SETD3: variants seen among roughly 807,000 people sequenced by gnomAD.
SETD3 encodes SET domain containing 3, actin N3(tau)-histidine methyltransferase, also known as actin-histidine N-methyltransferase.
Under a neutral mutation model 63.0 loss-of-function variants are expected in SETD3, and 19 were observed. The observed-to-expected ratio is 0.30, with a 90% CI of 0.21 to 0.44. The LOEUF (loss-of-function observed/expected upper bound fraction) is 0.44. Among genes scored for constraint, SETD3 ranks in the 20% least tolerant of loss-of-function variants. The pLI, the probability that SETD3 is intolerant of heterozygous loss-of-function variation, is 1.00. For missense variants in SETD3, 587 were observed against 728.5 expected (o/e 0.81, Z 2.24); for synonymous variants, 286 against 264.1 (o/e 1.08, Z -0.80).
upstream of SETD3, among the ~76,000 whole-genome samples, chr14:99,485,251 T>A (rs1209674299): frequency 6.6e-6 from 1 of 152,236 alleles, no homozygotes; most frequent in Non-Finnish European, 1.5e-5. Flanking sequence ...ACTTACGATT[T>A]ATCCGCTTGT....
At chr14:99,484,813 G>T (rs1423301514), upstream of SETD3, among the ~76,000 whole-genome samples, 3 of 152,222 alleles carry the variant, frequency 2.0e-5, no homozygotes, top group East Asian at 5.8e-4. Context: ...TAATTGAGTG[G>T]TGACATTTAC....
chr14:99,471,451 G>A (rs1895700804), intron 1 of SETD3, among the ~76,000 whole-genome samples: 1 of 152,202 alleles, frequency 6.6e-6, no homozygotes. Flanking sequence ...AGGGGTTAGG[G>A]TTACGCTTAT....
chr14:99,435,995 TCA>T (rs1258611236), intron 6 of SETD3, among the ~76,000 whole-genome samples: 3 of 152,016 alleles, frequency 2.0e-5, no homozygotes, highest in Admixed American at 1.3e-4. Context: ...CTCAGGAAAC[TCA>T]CAATCACAGA....
At chr14:99,451,651 C>T (rs1206477818) in intron 6 of SETD3, among the ~76,000 whole-genome samples, 5 of 152,012 alleles carry the variant, frequency 3.3e-5, no homozygotes, top group Non-Finnish European at 7.4e-5. Context: ...GAACTACAGG[C>T]GTGTGCCACC....
In SETD3 at chr14:99,459,119, C is replaced by T. The variant is rs990013459; in HGVS notation, c.412G>A (p.Val138Met). ...LMTVESAKNS[V>M]LGPLYSQDRI... ...AGTCAGAAATTATTCTCACCCAACACTGAATTTTTAGCAGATTCAACAGTC... is the reference window on the plus strand; with the variant it reads ...AGTCAGAAATTATTCTCACCCAACATTGAATTTTTAGCAGATTCAACAGTC... Residue 138 changes from valine to methionine, a missense_variant, in exon 5 of 13, where the codon GTG (valine) becomes ATG (methionine). Coordinates refer to ENST00000331768, the MANE Select transcript of SETD3 (RefSeq NM_032233.3). 4 of 1,609,258 alleles carry T rather than the reference C, an allele frequency of 2.5e-6. No individual in the cohort carries two copies. Among genetic ancestry groups the T allele is most frequent in the Middle Eastern group, 3.3e-4 (2 of 6,052 alleles).
intron 1 of SETD3, among the ~76,000 whole-genome samples, chr14:99,476,160 C>T (rs1456052635): frequency 2.0e-5 from 3 of 152,164 alleles, no homozygotes; most frequent in Admixed American, 1.3e-4. Context: ...CTGACGCTTA[C>T]GGAGACTGAT....
intron 3 of SETD3, among the ~76,000 whole-genome samples, chr14:99,463,194 TATA>T (rs1356750965): frequency 1.3e-5 from 2 of 152,250 alleles, no homozygotes; most frequent in Non-Finnish European, 2.9e-5. Flanking sequence ...GAAATAACGG[TATA>T]ATACTTTATA....
chr14:99,441,351 G>A (rs1467552277), intron 6 of SETD3, among the ~76,000 whole-genome samples: 1 of 152,218 alleles, frequency 6.6e-6, no homozygotes, highest in African/African-American at 2.4e-5. Flanking sequence ...TAGAGAACAA[G>A]GCAATCAGTT....
chr14:99,409,071 A>G (rs575115540), intron 8 of SETD3, among the ~76,000 whole-genome samples: 15 of 152,304 alleles, frequency 9.8e-5, no homozygotes, highest in South Asian at 2.1e-4. Context: ...TGGGAAGGCC[A>G]GGGCTGGTCC....
intron 6 of SETD3, among the ~76,000 whole-genome samples, chr14:99,446,459 G>C (rs1033732057): frequency 6.6e-6 from 1 of 152,122 alleles, no homozygotes; most frequent in African/African-American, 2.4e-5. Context: ...TCAGCCCACA[G>C]CGGGCATTGC....
At chr14:99,480,616 C>T (rs1896250473) in intron 1 of SETD3, 112 bp downstream of exon 1, 1 of 150,760 alleles carries the variant, frequency 6.6e-6, no homozygotes, top group Admixed American at 6.6e-5. Context: ...GCGGGCCGGA[C>T]TTCGGCCGAG....
chr14:99,467,708 G>T (rs1477461044), intron 1 of SETD3, among the ~76,000 whole-genome samples: 1 of 152,168 alleles, frequency 6.6e-6, no homozygotes, highest in Non-Finnish European at 1.5e-5. Context: ...GCCTGTAAAC[G>T]AGGCAAGAAC....
chr14:99,417,069 A>G (rs1181100389), intron 6 of SETD3, among the ~76,000 whole-genome samples: 1 of 152,256 alleles, frequency 6.6e-6, no homozygotes, highest in Non-Finnish European at 1.5e-5. Context: ...AGAATTTACC[A>G]TATTGCATGG....
intron 6 of SETD3, among the ~76,000 whole-genome samples, chr14:99,450,846 C>A (rs751436409): frequency 7.2e-5 from 11 of 152,136 alleles, no homozygotes; most frequent in Non-Finnish European, 1.6e-4. Flanking sequence ...TTCCGTTAAA[C>A]CCTGTATGCC....
chr14:99,421,901 T>C (rs540526074), intron 6 of SETD3, among the ~76,000 whole-genome samples: 40 of 152,292 alleles, frequency 2.6e-4, no homozygotes, highest in African/African-American at 9.6e-4. Flanking sequence ...TCTTATAAAG[T>C]CTAATAAAAT....
At chr14:99,433,716 T>C (rs575516375) in intron 6 of SETD3, among the ~76,000 whole-genome samples, 77 of 152,260 alleles carry the variant, frequency 5.1e-4, no homozygotes, top group Non-Finnish European at 8.8e-4. Context: ...GGATTACACG[T>C]GTGAGCTACC....
At position 99,398,959 on chromosome 14, in the gene SETD3, T is replaced by A. The variant is rs1282153809; in HGVS notation, c.1505A>T (p.Tyr502Phe). Residue 502 changes from tyrosine to phenylalanine, a missense_variant, in exon 13 of 13, where the codon TAT (tyrosine) becomes TTT (phenylalanine). Coordinates refer to ENST00000331768, the MANE Select transcript of SETD3 (RefSeq NM_032233.3). ...CAACAGCCCAAGGTTACTCTCTTCA[T>A]ATTTGGGAAGCGGAGCCTTTTCCTC... Reference protein sequence around the residue: ...QMEEKAPLPKYEESNLGLLES... With the variant: ...QMEEKAPLPKFEESNLGLLES... 4 of 1,614,122 alleles carry A rather than the reference T, an allele frequency of 2.5e-6. No homozygotes were observed. Among genetic ancestry groups the A allele is most frequent in the Middle Eastern group, 1.6e-4 (1 of 6,062 alleles).
intron 5 of SETD3, 25 bp from the exon 6 acceptor site, chr14:99,458,560 C>A (rs374752747): frequency 6.3e-7 from 1 of 1,588,390 alleles, no homozygotes; most frequent in South Asian, 1.1e-5. Flanking sequence ...AAGTTAACAG[C>A]GTAAGTTCCA....
intron 6 of SETD3, among the ~76,000 whole-genome samples, chr14:99,423,664 A>G (rs1241929173): frequency 6.7e-6 from 1 of 148,154 alleles, no homozygotes; most frequent in East Asian, 2.0e-4. Flanking sequence ...CATTAGCATT[A>G]AGATATGTTA....
Sources: gnomAD v4.1 joint callset for allele counts (sites outside exome capture counted in the v4.1 genomes callset) on GRCh38, gnomAD v4.1.1 for gene constraint, MANE v1.5 for transcripts, NCBI Gene and HGNC (gene_info 2026-07-23, HGNC 2026-07-21) for gene names.